The following SLC23A2 variants were observed in gnomAD, a reference collection of about 807,000 sequenced individuals.
SLC23A2 encodes the protein Na(+)/L-ascorbic acid transporter 2.
SLC23A2 carries 36 observed loss-of-function variants against 73.3 expected under a neutral mutation model. The ratio of observed to expected loss-of-function variants is 0.49; its 90% CI spans 0.38 to 0.65. SLC23A2 has a LOEUF of 0.65. SLC23A2 is among the 30% of genes least tolerant of loss of function. The pLI, the probability that SLC23A2 is intolerant of heterozygous loss-of-function variation, is 0.00. For synonymous variants in SLC23A2, 343 were observed against 327.3 expected, an observed-to-expected ratio of 1.05 and a Z score of -0.52; for missense variants, 507 against 841.6, an observed-to-expected ratio of 0.60 and a Z score of 4.92.
chr20:4,887,122 C>T (rs549250605), intron 6 of SLC23A2, among the ~76,000 whole-genome samples: 62 of 152,190 alleles, frequency 4.1e-4, no homozygotes, highest in Non-Finnish European at 7.5e-4. Flanking sequence ...CAGACGCAGG[C>T]TACACCATAC....
chr20:4,984,597 G>T (rs2087792493), intron 1 of SLC23A2, among the ~76,000 whole-genome samples: 1 of 151,562 alleles, frequency 6.6e-6, no homozygotes, highest in Admixed American at 6.6e-5. Flanking sequence ...ACAAAAAAAT[G>T]AGCCAAGAAT....
At chr20:4,937,499 G>T (rs2086978346) in intron 2 of SLC23A2, among the ~76,000 whole-genome samples, 1 of 152,178 alleles carries the variant, frequency 6.6e-6, no homozygotes, top group African/African-American at 2.4e-5. Context: ...AAGTGTCGGT[G>T]TGTGCCAGGC....
intron 2 of SLC23A2, among the ~76,000 whole-genome samples, chr20:4,961,160 T>C (rs1776954): frequency 6.8e-6 from 1 of 146,266 alleles, no homozygotes; most frequent in Non-Finnish European, 1.5e-5. Context: ...CAGGCTGGAG[T>C]GCGGCGGCAC....
chr20:4,874,551 G>GC, intron 10 of SLC23A2, 25 bp downstream of exon 10: 11 of 1,573,944 alleles, frequency 7.0e-6, no homozygotes, highest in Non-Finnish European at 7.8e-6. Context: ...AAAAATGTCA[G>GC]CAGGGGAAGA....
chr20:4,925,173 A>G (rs2122925578), intron 3 of SLC23A2, among the ~76,000 whole-genome samples: 1 of 147,800 alleles, frequency 6.8e-6, no homozygotes, highest in East Asian at 2.0e-4. Flanking sequence ...ATAGAGCAAG[A>G]CTCTGTCAAA....
At chr20:4,951,473 GC>G (rs2087202048) in intron 2 of SLC23A2, among the ~76,000 whole-genome samples, 1 of 152,076 alleles carries the variant, frequency 6.6e-6, no homozygotes, top group Non-Finnish European at 1.5e-5. Context: ...AAAGAACAAG[GC>G]CAAGCTGTGA....
intron 1 of SLC23A2, among the ~76,000 whole-genome samples, chr20:5,009,084 T>C (rs1053005962): frequency 6.6e-6 from 1 of 152,296 alleles, no homozygotes; most frequent in Non-Finnish European, 1.5e-5. Flanking sequence ...ATCCAGGGAA[T>C]CTTTTGCATA....
At position 4,857,589 on chromosome 20, in the gene SLC23A2, T is replaced by TTACC. The variant is rs1345841411; in HGVS notation, c.1721-389_1721-386dup. Among the ~76,000 whole-genome samples the TTACC allele has an allele frequency of 2.0e-5, 3 of 152,154 alleles. No homozygotes were observed. Among genetic ancestry groups the TTACC allele is most frequent in the Non-Finnish European group, 4.4e-5 (3 of 68,032 alleles). ...TTCATTCTATCGGTCTCCCATCTGG[T>TTACC]TACCTAGTCTTCTGGCTCATCACCT... is the stretch of plus-strand genomic sequence containing the variant. On this transcript the variant is annotated intron_variant, in intron 16 of 16. Coordinates refer to ENST00000338244, the MANE Select transcript of SLC23A2 (RefSeq NM_005116.6). This position sits in a 1 kb window ranked among gnomAD's most constrained non-coding sequence, Gnocchi z 4.0.
chr20:4,993,068 G>A (rs530278302), intron 1 of SLC23A2, among the ~76,000 whole-genome samples: 6 of 151,870 alleles, frequency 4.0e-5, no homozygotes, highest in African/African-American at 1.4e-4. Context: ...CACGAGGTCA[G>A]GAGATCGAGC....
At chr20:4,953,352 T>G (rs1210474681) in intron 2 of SLC23A2, among the ~76,000 whole-genome samples, 1 of 151,662 alleles carries the variant, frequency 6.6e-6, no homozygotes, top group Non-Finnish European at 1.5e-5. Flanking sequence ...GAAATGTAAT[T>G]AAATAAAGCA....
chr20:4,887,784 G>A (rs1349639406), intron 6 of SLC23A2, among the ~76,000 whole-genome samples: 1 of 152,180 alleles, frequency 6.6e-6, no homozygotes, highest in African/African-American at 2.4e-5. Context: ...GTCTAGCCAG[G>A]CAACACCGCC....
At chr20:4,983,588 G>T (rs1180507630) in intron 1 of SLC23A2, among the ~76,000 whole-genome samples, 1 of 149,700 alleles carries the variant, frequency 6.7e-6, no homozygotes, top group African/African-American at 2.5e-5. Flanking sequence ...GGAGTTTGCA[G>T]TGAGCCGAGA....
chr20:4,904,109 C>G lies in SLC23A2; in HGVS notation c.208-1551G>C, dbSNP rs1050231939. On this transcript the variant is annotated intron_variant, in intron 4 of 16. Coordinates refer to ENST00000338244, the MANE Select transcript of SLC23A2 (RefSeq NM_005116.6). ...CAGGGTTCAAGAACAGCCTGGGCAA[C>G]ATAGTGAGGCCTCTTCTCTAGTTTA... Among the ~76,000 whole-genome samples, 8 of 152,176 alleles carry G rather than the reference C, an allele frequency of 5.3e-5. No individual in the cohort carries two copies. In the South Asian group the frequency reaches 1.2e-3, roughly 24 times the overall value.
intron 2 of SLC23A2, among the ~76,000 whole-genome samples, chr20:4,941,002 A>C (rs2122961553): frequency 6.6e-6 from 1 of 152,242 alleles, no homozygotes; most frequent in East Asian, 1.9e-4. Flanking sequence ...CCAAAAATAC[A>C]AAAGTTAGCT....
Position 4,854,763 on chromosome 20 carries a change from A to G in SLC23A2, c.*2209T>C, listed in dbSNP as rs554025355. Reference sequence around the variant, plus strand: ...GACTAGAGCAGACACCTTGAGTGTTATGCAGCGGAAGACGCCCAGTCAAGC... The same window carrying G: ...GACTAGAGCAGACACCTTGAGTGTTGTGCAGCGGAAGACGCCCAGTCAAGC... On this transcript the variant is annotated 3_prime_UTR_variant, in exon 17 of 17. Coordinates refer to ENST00000338244, the MANE Select transcript of SLC23A2 (RefSeq NM_005116.6). 7 of 152,352 alleles carry G rather than the reference A, an allele frequency of 4.6e-5. No individual in the cohort carries two copies. Among genetic ancestry groups the G allele is most frequent in the African/African-American group, 1.7e-4 (7 of 41,588 alleles). 9.4% of individuals were successfully genotyped at this position (152,352 alleles called of 1,614,324 possible). A position where few individuals can be genotyped will look rare whatever the true frequency, so the allele number is the denominator to read the frequency against.
In SLC23A2 at chr20:4,857,681, A is replaced by G. The variant is rs1929781268; in HGVS notation, c.1721-477T>C. 1.3e-5 allele frequency among the ~76,000 whole-genome samples: 2 copies of G among 152,120 alleles called. No individual in the cohort carries two copies. Among genetic ancestry groups the G allele is most frequent in the South Asian group, 4.1e-4 (2 of 4,822 alleles). ...TGTGGTGGCTCACACCTGTAATCCA[A>G]GCACTTTGGGAGGCCGAGGTGAGAG... On this transcript the variant is annotated intron_variant, in intron 16 of 16. Coordinates refer to ENST00000338244, the MANE Select transcript of SLC23A2 (RefSeq NM_005116.6). This position sits in a 1 kb window ranked among gnomAD's most constrained non-coding sequence, Gnocchi z 4.0.
chr20:4,955,114 A>G (rs951186983), intron 2 of SLC23A2, among the ~76,000 whole-genome samples: 2 of 151,944 alleles, frequency 1.3e-5, no homozygotes, highest in Non-Finnish European at 2.9e-5. Context: ...TTAGCTGGAC[A>G]TGGTGGTGCA....
At chr20:4,905,030 C>T (rs6052963) in intron 4 of SLC23A2, among the ~76,000 whole-genome samples, 7 of 145,236 alleles carry the variant, frequency 4.8e-5, no homozygotes, top group African/African-American at 1.8e-4. Context: ...AGGAGAATTG[C>T]TTGAACCTAG....
chr20:4,988,798 G>C (rs759427210), intron 1 of SLC23A2, among the ~76,000 whole-genome samples: 2 of 151,824 alleles, frequency 1.3e-5, no homozygotes, highest in Non-Finnish European at 2.9e-5. Context: ...TGTAATCCCA[G>C]CTACTAGGGA....
Sources: allele counts gnomAD v4.1 joint callset (sites outside exome capture counted in the v4.1 genomes callset), GRCh38; gene constraint gnomAD v4.1.1; non-coding constraint Gnocchi (gnomAD v3.1); transcripts MANE v1.5; gene names NCBI Gene and HGNC (gene_info 2026-07-23, HGNC 2026-07-21).